Variants in EPHB2 observed in about 807,000 individuals in gnomAD.
EPHB2 encodes the protein ephrin type-B receptor 2.
EPHB2 carries 18 observed loss-of-function variants against 96.4 expected under a neutral mutation model. That is an observed-to-expected ratio of 0.19 (90% CI 0.13 to 0.28). EPHB2 has a LOEUF of 0.28. Among genes scored for constraint, EPHB2 ranks in the 10% least tolerant of loss-of-function variants. The pLI is 1.00. For synonymous variants in EPHB2, 506 were observed against 534.1 expected (o/e 0.95, Z 0.72); for missense variants, 989 against 1,355.4 (o/e 0.73, Z 4.25).
At chr1:22,827,971 G>A (rs988417478) in intron 3 of EPHB2, among the ~76,000 whole-genome samples, 8 of 152,220 alleles carry the variant, frequency 5.3e-5, no homozygotes, top group Non-Finnish European at 1.0e-4. Flanking sequence ...ATAAACGTGA[G>A]CACTCACAGT....
rs144859782 is a variant in EPHB2 at position 22,898,300 on chromosome 1, T to G, written c.1765+1822T>G. ...GGGTGGCGTTTTTAAATAGGACAGC[T>G]TGGGTTGGCCTCACTGACAGGGTTT... On this transcript the variant is annotated intron_variant, in intron 9 of 15. Transcript: ENST00000374630. Among the ~76,000 whole-genome samples the G allele has an allele frequency of 5.7e-4, 86 of 151,980 alleles. 1 individual carries two copies. Among genetic ancestry groups the G allele is most frequent in the African/African-American group, 1.9e-3 (78 of 41,448 alleles).
Position 22,906,031 on chromosome 1 carries a change from G to A in EPHB2, c.1810G>A (p.Asp604Asn). 6.2e-7 allele frequency: 1 copy of A among 1,614,198 alleles called. No homozygotes were observed. Among genetic ancestry groups the A allele is most frequent in the Non-Finnish European group, 8.5e-7 (1 of 1,180,044 alleles). ...CTACATCGATCCTTTCACCTACGAGGACCCCAACGAGGCAGTGCGGGAGTT... is the reference window on the plus strand; with the variant it reads ...CTACATCGATCCTTTCACCTACGAGAACCCCAACGAGGCAGTGCGGGAGTT... ...KIYIDPFTYE[D>N]PNEAVREFAK... Residue 604 changes from aspartate (D) to asparagine (N), a missense_variant, in exon 10 of 16, where the codon GAC becomes AAC. Transcript: ENST00000374630. The surrounding 1 kb of genome is among the most constrained non-coding windows in gnomAD (Gnocchi z 4.8).
intron 1 of EPHB2, among the ~76,000 whole-genome samples, chr1:22,736,787 C>A (rs543530589): frequency 6.6e-6 from 1 of 152,196 alleles, no homozygotes; most frequent in Non-Finnish European, 1.5e-5. Context: ...CACTGTGGGG[C>A]GGCCGCAGGG....
Position 22,875,872 on chromosome 1 carries a change from G to A in EPHB2, c.1304-6487G>A, listed in dbSNP as rs1638821436. Among the ~76,000 whole-genome samples the A allele has an allele frequency of 6.6e-6, 1 of 152,112 alleles. No homozygotes were observed. The highest frequency in any genetic ancestry group is 2.1e-4 in the South Asian group (1 of 4,806). ...TCGGAGGAGTTGACATTTGAGCTGA[G>A]ACTTCAATGAAGAGGAGGATTTGGC... On this transcript the variant is annotated intron_variant, in intron 5 of 15. Transcript: ENST00000374630. This position sits in a 1 kb window ranked among gnomAD's most constrained non-coding sequence, Gnocchi z 4.2.
At chr1:22,883,112 T>C (rs1639104490) in intron 6 of EPHB2, among the ~76,000 whole-genome samples, 1 of 152,248 alleles carries the variant, frequency 6.6e-6, no homozygotes, top group Non-Finnish European at 1.5e-5. Context: ...CTATGTGACC[T>C]TGGGCAGGCG....
In EPHB2 at chr1:22,875,548, G is replaced by C. The variant is rs1336614355; in HGVS notation, c.1304-6811G>C. On this transcript the variant is annotated intron_variant, in intron 5 of 15. Transcript: ENST00000374630. The surrounding 1 kb of genome is among the most constrained non-coding windows in gnomAD (Gnocchi z 4.2). ...GCCAGCCCACAAGGTCGGTAGACTC[G>C]GGTTCCTGAGGGCGCCAGAAAAGGG... Among the ~76,000 whole-genome samples the C allele has an allele frequency of 6.6e-6, 1 of 152,118 alleles. No homozygotes were observed. Among genetic ancestry groups the C allele is most frequent in the African/African-American group, 2.4e-5 (1 of 41,422 alleles).
intron 1 of EPHB2, among the ~76,000 whole-genome samples, chr1:22,734,404 C>T (rs1295426012): frequency 6.6e-6 from 1 of 151,004 alleles, no homozygotes; most frequent in Non-Finnish European, 1.5e-5. Flanking sequence ...AATAAAGTAC[C>T]ACCAGAATGT....
At chr1:22,783,609 G>C (rs1307548625) in intron 2 of EPHB2, among the ~76,000 whole-genome samples, 1 of 152,236 alleles carries the variant, frequency 6.6e-6, no homozygotes, top group Admixed American at 6.5e-5. Context: ...AGACTCAGCA[G>C]TGGGAAGGAG....
intron 3 of EPHB2, among the ~76,000 whole-genome samples, chr1:22,833,239 C>T (rs576183571): frequency 1.3e-5 from 2 of 152,254 alleles, no homozygotes; most frequent in East Asian, 3.9e-4. Flanking sequence ...TGCCTTCAGC[C>T]TCCTGAGTAG....
At chr1:22,806,492 CGGACGGACGGACGGATGGAT>C (rs1406960132) in intron 3 of EPHB2, among the ~76,000 whole-genome samples, 11 of 91,918 alleles carry the variant, frequency 1.2e-4, no homozygotes, top group Admixed American at 7.0e-4. Context: ...GACGGACGGA[CGGACGGACGGACGGATGGAT>C]GGATGGATGG....
In EPHB2 at chr1:22,906,171, A is replaced by G. The variant is rs1639907845; in HGVS notation, c.1888+62A>G. On this transcript the variant is annotated intron_variant, in intron 10 of 15. Coordinates refer to ENST00000374630, the MANE Select transcript of EPHB2 (RefSeq NM_017449.5). This position sits in a 1 kb window ranked among gnomAD's most constrained non-coding sequence, Gnocchi z 4.8. Reference sequence around the variant, plus strand: ...AGCCATGGCTGGTGAGACCACCCCAATGTATACCCTTGGGGCAGAAGGTAG... The same window carrying G: ...AGCCATGGCTGGTGAGACCACCCCAGTGTATACCCTTGGGGCAGAAGGTAG... The G allele has an allele frequency of 5.6e-6, 9 of 1,612,554 alleles. No individual in the cohort carries two copies. Among genetic ancestry groups the G allele is most frequent in the Non-Finnish European group, 4.2e-6 (5 of 1,179,460 alleles).
At chr1:22,856,729 TG>T (rs1391994638) in intron 3 of EPHB2, among the ~76,000 whole-genome samples, 1 of 152,166 alleles carries the variant, frequency 6.6e-6, no homozygotes, top group Non-Finnish European at 1.5e-5. Flanking sequence ...GGTACCTAGT[TG>T]GGTGGGTGCT....
rs56280063 is a variant in EPHB2 at position 22,904,628 on chromosome 1, A to G, written c.1766-1359A>G. On this transcript the variant is annotated intron_variant, in intron 9 of 15. Coordinates refer to ENST00000374630, the MANE Select transcript of EPHB2 (RefSeq NM_017449.5). ...GGTTGACAAATTTTTCTGTAAGGGA[A>G]CAGATAGTAAATATTTTAGGCCTTA... Among the ~76,000 whole-genome samples the G allele has an allele frequency of 1.2e-3, 187 of 152,326 alleles. 1 individual carries two copies. Among genetic ancestry groups the G allele is most frequent in the Non-Finnish European group, 2.2e-3 (147 of 68,014 alleles).
chr1:22,812,046 G>A (rs1003117638), intron 3 of EPHB2, among the ~76,000 whole-genome samples: 1 of 152,138 alleles, frequency 6.6e-6, no homozygotes, highest in Non-Finnish European at 1.5e-5. Flanking sequence ...CTCAAAAAAC[G>A]AAATAAAAAC....
intron 1 of EPHB2, among the ~76,000 whole-genome samples, chr1:22,748,576 T>C (rs1225248591): frequency 6.6e-6 from 1 of 151,576 alleles, no homozygotes; most frequent in African/African-American, 2.4e-5. Context: ...GAGACAGGGT[T>C]TCACCATGTT....
At position 22,782,591 on chromosome 1, in the gene EPHB2, A is replaced by G. The variant is rs1228507388; in HGVS notation, c.126+1106A>G. Among the ~76,000 whole-genome samples the G allele has an allele frequency of 4.6e-5, 7 of 152,140 alleles. 1 individual carries two copies. Among genetic ancestry groups the G allele is most frequent in the Admixed American group, 4.6e-4 (7 of 15,278 alleles). On this transcript the variant is annotated intron_variant, in intron 2 of 15. Coordinates refer to ENST00000374630, the MANE Select transcript of EPHB2 (RefSeq NM_017449.5). ...CCACAGCCCCACCTTGCCAGTAATG[A>G]GGCCAGGCTGGGCTGCAGGGCCCCC...
chr1:22,835,229 A>T (rs1226723852), intron 3 of EPHB2, among the ~76,000 whole-genome samples: 1 of 151,970 alleles, frequency 6.6e-6, no homozygotes, highest in Non-Finnish European at 1.5e-5. Flanking sequence ...AACATACAAA[A>T]ATTAGCTGGG....
At chr1:22,721,297 C>T (rs1187207647) in intron 1 of EPHB2, among the ~76,000 whole-genome samples, 1 of 152,170 alleles carries the variant, frequency 6.6e-6, no homozygotes, top group South Asian at 2.1e-4. Context: ...TGAGGGGGAC[C>T]TGGGCAACAC....
rs533703201 is a variant in EPHB2, at chr1:22,864,593, A to C, written c.968-284A>C. 5.9e-5 allele frequency among the ~76,000 whole-genome samples: 9 copies of C among 152,344 alleles called. No individual in the cohort carries two copies. In the East Asian group the frequency reaches 1.2e-3, roughly 20 times the overall value. On this transcript the variant is annotated intron_variant, in intron 4 of 15. Coordinates refer to ENST00000374630, the MANE Select transcript of EPHB2 (RefSeq NM_017449.5). ...GAATAAAGCTGGGCTGTTCTAAGGA[A>C]GAAGGAGAAAATAGATACTGGGCAG...
Sources: allele counts gnomAD v4.1 joint callset (sites outside exome capture counted in the v4.1 genomes callset), GRCh38; gene constraint gnomAD v4.1.1; non-coding constraint Gnocchi (gnomAD v3.1); transcripts MANE v1.5; gene names NCBI Gene and HGNC (gene_info 2026-07-23, HGNC 2026-07-21).